RIOX1: variants seen among roughly 807,000 people sequenced by gnomAD.
RIOX1 encodes the protein ribosomal oxygenase 1.
A neutral mutation model predicts 44.6 loss-of-function variants in RIOX1; 33 were observed. The observed-to-expected ratio is 0.74, with a 90% CI of 0.56 to 0.99. RIOX1 has a LOEUF of 0.99. RIOX1 is among the 50% of genes least tolerant of loss of function. The pLI is 0.00. For synonymous variants in RIOX1, 387 were observed against 395.8 expected (o/e 0.98, Z 0.26); for missense variants, 821 against 871.7 (o/e 0.94, Z 0.73).
In RIOX1 at chr14:73,492,469, G is replaced by T; in HGVS notation, c.1452G>T (p.Leu484Phe). Residue 484 changes from leucine to phenylalanine, a missense_variant, in exon 1 of 1, where the codon TTG (leucine) becomes TTT (phenylalanine). Coordinates refer to ENST00000304061, the MANE Select transcript of RIOX1 (RefSeq NM_024644.5). The surrounding 1 kb of genome is among the most constrained non-coding windows in gnomAD (Gnocchi z 4.9). ...RTAFMEKVRV[L>F]VARLGHFAPV... ...CTTTCATGGAGAAGGTGCGGGTCTT[G>T]GTTGCCCGCCTGGGACACTTTGCTC... 6.2e-7 allele frequency: 1 copy of T among 1,613,786 alleles called. No homozygotes were observed. The highest frequency in any genetic ancestry group is 8.5e-7 in the Non-Finnish European group (1 of 1,179,806).
Position 73,492,114 on chromosome 14 carries a change from C to T in RIOX1, c.1097C>T (p.Thr366Ile). The change falls in exon 1 of 1, where the codon ACC becomes ATC. Residue 366 changes from threonine to isoleucine, a missense_variant. This residue lies in a region of RIOX1 where 554 missense variants were observed against 531.2 expected (regional missense o/e 1.04). Coordinates refer to ENST00000304061, the MANE Select transcript of RIOX1 (RefSeq NM_024644.5). The surrounding 1 kb of genome is among the most constrained non-coding windows in gnomAD (Gnocchi z 4.9). ...CGTGTATACCGACCCCGAGTCCCAA[C>T]CGAGGAACTGGCTCTGACATCCAGC... is the stretch of plus-strand genomic sequence containing the variant. ...LWRVYRPRVP[T>I]EELALTSSPN... is the part of the protein sequence containing the mutation. The T allele has an allele frequency of 2.5e-6, 4 of 1,613,936 alleles. No individual in the cohort carries two copies. The highest frequency in any genetic ancestry group is 3.4e-6 in the Non-Finnish European group (4 of 1,179,846).
In RIOX1 at chr14:73,491,721, A is replaced by G; in HGVS notation, c.704A>G (p.His235Arg). 1 of 1,551,464 alleles carries G rather than the reference A, an allele frequency of 6.4e-7. No individual in the cohort carries two copies. The highest frequency in any genetic ancestry group is 8.7e-7 in the Non-Finnish European group (1 of 1,147,502). Reference sequence around the variant, plus strand: ...GCGGTGCTGGTGCGGCGGCAGGACCACACCTACTACCAGGGACTTTTCTCT... The same window carrying G: ...GCGGTGCTGGTGCGGCGGCAGGACCGCACCTACTACCAGGGACTTTTCTCT... The part of the protein sequence containing the change: ...REAVLVRRQD[H>R]TYYQGLFSTA... Residue 235 changes from histidine (H) to arginine (R), a missense_variant, in exon 1 of 1, where the codon CAC becomes CGC. Coordinates refer to ENST00000304061, the MANE Select transcript of RIOX1 (RefSeq NM_024644.5).
rs1253386307 is a variant in RIOX1 at position 73,491,971 on chromosome 14, G to T, written c.954G>T (p.Gln318His). 1 of 1,613,874 alleles carries T rather than the reference G, an allele frequency of 6.2e-7. No individual in the cohort carries two copies. Among genetic ancestry groups the T allele is most frequent in the African/African-American group, 1.3e-5 (1 of 74,924 alleles). Residue 318 changes from glutamine to histidine, a missense_variant, in exon 1 of 1, where the codon CAG becomes CAT. By Grantham distance (24) the Gln-to-His change is conservative (BLOSUM62 0). Transcript: ENST00000304061. Reference protein sequence around the residue: ...VWQFLAVLQEQFGSMAGSNVY... With the variant: ...VWQFLAVLQEHFGSMAGSNVY... ...AGTTTTTGGCTGTGCTTCAAGAGCA[G>T]TTTGGAAGCATGGCAGGCTCCAACG...
At position 73,491,050 on chromosome 14, in the gene RIOX1, G is replaced by C. The variant is rs1224291218; in HGVS notation, c.33G>C (p.Leu11Phe). Residue 11 changes from leucine to phenylalanine, a missense_variant, in exon 1 of 1, where the codon TTG (leucine) becomes TTC (phenylalanine). Physicochemically the swap from Leu to Phe is conservative, Grantham distance 22. Coordinates refer to ENST00000304061, the MANE Select transcript of RIOX1 (RefSeq NM_024644.5). MDGLQASAGP[L>F]RRGRPKRRRK... ...GGCTCCAGGCCAGTGCAGGGCCGTT[G>C]AGGCGCGGGCGGCCGAAGCGCCGGC... The C allele has an allele frequency of 2.5e-6, 4 of 1,589,348 alleles. No individual in the cohort carries two copies. The highest frequency in any genetic ancestry group is 3.4e-6 in the Non-Finnish European group (4 of 1,167,568).
chr14:73,491,847 C>T lies in RIOX1; in HGVS notation c.830C>T (p.Pro277Leu). ...AACGGACGACGCGAGACCCTGAACC[C>T]ACCCGGCCGCGCGCTGCCCGCCGCC... ...YINGRRETLN[P>L]PGRALPAAAW... The change falls in exon 1 of 1, where the codon CCA becomes CTA. Residue 277 changes from proline (P) to leucine (L), a missense_variant. Physicochemically the swap from Pro to Leu is moderately conservative, Grantham distance 98. Around this residue, in one of 2 missense-constraint regions of RIOX1, gnomAD observed 554 missense variants for 531.2 expected, o/e 1.04. Coordinates refer to ENST00000304061, the MANE Select transcript of RIOX1 (RefSeq NM_024644.5). 1 of 1,609,552 alleles carries T rather than the reference C, an allele frequency of 6.2e-7. No homozygotes were observed. Among genetic ancestry groups the T allele is most frequent in the South Asian group, 1.1e-5 (1 of 90,634 alleles).
rs1157258201 is a variant in RIOX1 at position 73,493,057 on chromosome 14, C to G, written c.*114C>G. The G allele has an allele frequency of 6.2e-7, 1 of 1,606,922 alleles. No individual in the cohort carries two copies. On this transcript the variant is annotated 3_prime_UTR_variant, in exon 1 of 1. Coordinates refer to ENST00000304061, the MANE Select transcript of RIOX1 (RefSeq NM_024644.5). The stretch of plus-strand genomic sequence containing the variant: ...TTACCTTGATAAGCATCAGTGTGCT[C>G]ACATTTACCTTTATCACTGCTTCAG...
In RIOX1 at chr14:73,492,670, T is replaced by G. The variant is rs1885855244; in HGVS notation, c.1653T>G (p.Leu551=). ...QLTTETEVHM[L]QDGIARLVGE... ...CAACAGAAACAGAAGTCCATATGCT[T>G]CAGGATGGGATAGCTCGGCTGGTGG... The change falls in exon 1 of 1, where the codon CTT becomes CTG. Residue 551 remains leucine, a synonymous_variant. Coordinates refer to ENST00000304061, the MANE Select transcript of RIOX1 (RefSeq NM_024644.5). This position sits in a 1 kb window ranked among gnomAD's most constrained non-coding sequence, Gnocchi z 4.9. 1 of 1,613,966 alleles carries G rather than the reference T, an allele frequency of 6.2e-7. No homozygotes were observed. The highest frequency in any genetic ancestry group is 1.7e-5 in the Admixed American group (1 of 60,026).
chr14:73,493,026 A>G lies in RIOX1; in HGVS notation c.*83A>G. The G allele has an allele frequency of 1.3e-6, 2 of 1,550,098 alleles. No individual in the cohort carries two copies. Among genetic ancestry groups the G allele is most frequent in the Non-Finnish European group, 1.7e-6 (2 of 1,158,658 alleles). ...TTTTTTTTTTTTTTTCCTTAAACTC[A>G]CGTTCTTACCTTGATAAGCATCAGT... On this transcript the variant is annotated 3_prime_UTR_variant, in exon 1 of 1. Coordinates refer to ENST00000304061, the MANE Select transcript of RIOX1 (RefSeq NM_024644.5).
Position 73,490,996 on chromosome 14 carries a change from G to T in RIOX1, c.-22G>T, listed in dbSNP as rs765598340. 3 of 1,359,284 alleles carry T rather than the reference G, an allele frequency of 2.2e-6. No homozygotes were observed. The South Asian group carries it at 5.9e-5, about 27-fold the overall frequency. The allele number at this position is 1,359,284 out of a possible 1,614,324, so 84.2% of individuals were successfully genotyped here. ...GCTTCGCCCCCGGCCGGCCGGGCGGGGAAGACTGGTGTGGTCTGGCCATGG... is the reference window on the plus strand; with the variant it reads ...GCTTCGCCCCCGGCCGGCCGGGCGGTGAAGACTGGTGTGGTCTGGCCATGG... On this transcript the variant is annotated 5_prime_UTR_variant, in exon 1 of 1. Coordinates refer to ENST00000304061, the MANE Select transcript of RIOX1 (RefSeq NM_024644.5).
In RIOX1 at chr14:73,491,638, G is replaced by C. The variant is rs1410832115; in HGVS notation, c.621G>C (p.Glu207Asp). 15 of 1,550,022 alleles carry C rather than the reference G, an allele frequency of 9.7e-6. No homozygotes were observed. Among genetic ancestry groups the C allele is most frequent in the Non-Finnish European group, 1.2e-5 (14 of 1,147,538 alleles). Residue 207 changes from glutamate to aspartate, a missense_variant, in exon 1 of 1, where the codon GAG becomes GAC. Around this residue, in one of 2 missense-constraint regions of RIOX1, gnomAD observed 554 missense variants for 531.2 expected, o/e 1.04. Coordinates refer to ENST00000304061, the MANE Select transcript of RIOX1 (RefSeq NM_024644.5). ...SSRRRAARLF[E>D]WLIAPMPPDH... The stretch of plus-strand genomic sequence containing the variant: ...GGCGGCGAGCGGCCCGCCTCTTTGA[G>C]TGGCTCATCGCGCCCATGCCGCCAG...
Position 73,491,049 on chromosome 14 carries a change from T to C in RIOX1, c.32T>C (p.Leu11Ser). 6.3e-7 allele frequency: 1 copy of C among 1,589,148 alleles called. No homozygotes were observed. Among genetic ancestry groups the C allele is most frequent in the Non-Finnish European group, 8.6e-7 (1 of 1,167,466 alleles). ...GGGCTCCAGGCCAGTGCAGGGCCGTTGAGGCGCGGGCGGCCGAAGCGCCGG... is the reference window on the plus strand; with the variant it reads ...GGGCTCCAGGCCAGTGCAGGGCCGTCGAGGCGCGGGCGGCCGAAGCGCCGG... MDGLQASAGPLRRGRPKRRRK... is the reference protein window; with the variant it reads MDGLQASAGPSRRGRPKRRRK... Residue 11 changes from leucine (L) to serine (S), a missense_variant, in exon 1 of 1, where the codon TTG becomes TCG. By Grantham distance (145) the Leu-to-Ser change is moderately radical (BLOSUM62 -2). Around this residue, in one of 2 missense-constraint regions of RIOX1, gnomAD observed 554 missense variants for 531.2 expected, o/e 1.04. Transcript: ENST00000304061.
rs1403220718 is a variant in RIOX1 at position 73,490,949 on chromosome 14, G to C, written c.-69G>C. 26 of 1,283,090 alleles carry C rather than the reference G, an allele frequency of 2.0e-5. No individual in the cohort carries two copies. Among genetic ancestry groups the C allele is most frequent in the Non-Finnish European group, 2.4e-5 (24 of 1,010,208 alleles). The allele number at this position is 1,283,090 out of a possible 1,614,324, so 79.5% of individuals were successfully genotyped here. A position where few individuals can be genotyped will look rare whatever the true frequency, so the allele number is the denominator to read the frequency against. On this transcript the variant is annotated 5_prime_UTR_variant, in exon 1 of 1. Coordinates refer to ENST00000304061, the MANE Select transcript of RIOX1 (RefSeq NM_024644.5). The stretch of plus-strand genomic sequence containing the variant: ...CCCCTTCCCAGAGTGCACCGCAGCC[G>C]CTGCATTCAGGAACCGCTTTAGCTT...
Position 73,491,587 on chromosome 14 carries a change from C to G in RIOX1, c.570C>G (p.Ala190=), listed in dbSNP as rs1009487126. ...AWDSPLRRVL[A]ELNRIPSSRR... is the part of the protein sequence containing the mutation. Reference sequence around the variant, plus strand: ...ACTCCCCGCTGCGGCGCGTCTTGGCCGAGCTGAACCGCATCCCCAGCAGCC... The same window carrying G: ...ACTCCCCGCTGCGGCGCGTCTTGGCGGAGCTGAACCGCATCCCCAGCAGCC... Residue 190 remains alanine, a synonymous_variant, in exon 1 of 1, where the codon GCC becomes GCG. Coordinates refer to ENST00000304061, the MANE Select transcript of RIOX1 (RefSeq NM_024644.5). The G allele has an allele frequency of 1.4e-5, 21 of 1,544,864 alleles. No individual in the cohort carries two copies. The highest frequency in any genetic ancestry group is 8.4e-5 in the South Asian group (7 of 83,770).
chr14:73,491,240 C>T lies in RIOX1; in HGVS notation c.223C>T (p.Leu75=). 1 of 1,589,300 alleles carries T rather than the reference C, an allele frequency of 6.3e-7. No homozygotes were observed. The highest frequency in any genetic ancestry group is 8.6e-7 in the Non-Finnish European group (1 of 1,166,286). ...ESRVESTADD[L]GDALPGGAAV... is the part of the protein sequence containing the mutation. ...GAGGGTGGAGTCGACGGCCGACGAC[C>T]TGGGGGACGCGCTACCCGGTGGGGC... Residue 75 remains leucine, a synonymous_variant, in exon 1 of 1, where the codon CTG becomes TTG. Transcript: ENST00000304061.
chr14:73,492,126 C>G lies in RIOX1; in HGVS notation c.1109C>G (p.Ala370Gly). 2 of 1,613,966 alleles carry G rather than the reference C, an allele frequency of 1.2e-6. No individual in the cohort carries two copies. The highest frequency in any genetic ancestry group is 1.7e-6 in the Non-Finnish European group (2 of 1,179,846). Residue 370 changes from alanine (A) to glycine (G), a missense_variant, in exon 1 of 1, where the codon GCT becomes GGT. Around this residue, in one of 2 missense-constraint regions of RIOX1, gnomAD observed 267 missense variants for 340.5 expected, o/e 0.78. Transcript: ENST00000304061. This position sits in a 1 kb window ranked among gnomAD's most constrained non-coding sequence, Gnocchi z 4.9. ...CCCCGAGTCCCAACCGAGGAACTGGCTCTGACATCCAGCCCCAACTTCAGT... is the reference window on the plus strand; with the variant it reads ...CCCCGAGTCCCAACCGAGGAACTGGGTCTGACATCCAGCCCCAACTTCAGT... ...YRPRVPTEEL[A>G]LTSSPNFSQD...
In RIOX1 at chr14:73,492,712, G is replaced by C. The variant is rs370357833; in HGVS notation, c.1695G>C (p.Leu565Phe). The change falls in exon 1 of 1, where the codon TTG (leucine) becomes TTC (phenylalanine). Residue 565 changes from leucine (L) to phenylalanine (F), a missense_variant. Coordinates refer to ENST00000304061, the MANE Select transcript of RIOX1 (RefSeq NM_024644.5). The surrounding 1 kb of genome is among the most constrained non-coding windows in gnomAD (Gnocchi z 4.9). ...GGCTGGTGGGTGAGGGGGGCCATTT[G>C]TTTCTCTATTACACAGTGGAAAACT... ...IARLVGEGGHLFLYYTVENSR... is the reference protein window; with the variant it reads ...IARLVGEGGHFFLYYTVENSR... 1.9e-6 allele frequency: 3 copies of C among 1,613,828 alleles called. No individual in the cohort carries two copies. The highest frequency in any genetic ancestry group is 1.7e-5 in the Admixed American group (1 of 59,982).
chr14:73,491,434 G>A lies in RIOX1; in HGVS notation c.417G>A (p.Pro139=), dbSNP rs553036407. Reference sequence around the variant, plus strand: ...GCCTGGTGGAGGTGCCCGCCGCGCCGGTCCGGGTGGTGGAGACCTCGGCCC... The same window carrying A: ...GCCTGGTGGAGGTGCCCGCCGCGCCAGTCCGGGTGGTGGAGACCTCGGCCC... ...PARLVEVPAA[P]VRVVETSALL... The change falls in exon 1 of 1, where the codon CCG becomes CCA. Residue 139 remains proline (P), a synonymous_variant. Transcript: ENST00000304061. 7.3e-5 allele frequency: 99 copies of A among 1,360,314 alleles called. No individual in the cohort carries two copies. In the East Asian group the frequency reaches 3.0e-3, roughly 41 times the overall value. 84.3% of individuals were successfully genotyped at this position (1,360,314 alleles called of 1,614,324 possible). A position where few individuals can be genotyped will look rare whatever the true frequency, so the allele number is the denominator to read the frequency against.
rs1471057047 is a variant in RIOX1 at position 73,491,040 on chromosome 14, C to T, written c.23C>T (p.Ala8Val). 2 of 1,583,896 alleles carry T rather than the reference C, an allele frequency of 1.3e-6. No homozygotes were observed. The highest frequency in any genetic ancestry group is 2.3e-5 in the East Asian group (1 of 43,222). Residue 8 changes from alanine (A) to valine (V), a missense_variant, in exon 1 of 1, where the codon GCA (alanine) becomes GTA (valine). By Grantham distance (64) the Ala-to-Val change is moderately conservative (BLOSUM62 0). This residue lies in a region of RIOX1 where 554 missense variants were observed against 531.2 expected (regional missense o/e 1.04). Coordinates refer to ENST00000304061, the MANE Select transcript of RIOX1 (RefSeq NM_024644.5). Reference sequence around the variant, plus strand: ...GCCATGGATGGGCTCCAGGCCAGTGCAGGGCCGTTGAGGCGCGGGCGGCCG... The same window carrying T: ...GCCATGGATGGGCTCCAGGCCAGTGTAGGGCCGTTGAGGCGCGGGCGGCCG... MDGLQAS[A>V]GPLRRGRPKR...
chr14:73,491,587 C>A lies in RIOX1; in HGVS notation c.570C>A (p.Ala190=). The A allele has an allele frequency of 3.2e-6, 5 of 1,544,980 alleles. No homozygotes were observed. The highest frequency in any genetic ancestry group is 1.2e-5 in the South Asian group (1 of 83,766). Residue 190 remains alanine, a synonymous_variant, in exon 1 of 1, where the codon GCC becomes GCA. Transcript: ENST00000304061. ...ACTCCCCGCTGCGGCGCGTCTTGGC[C>A]GAGCTGAACCGCATCCCCAGCAGCC... ...AWDSPLRRVL[A]ELNRIPSSRR...
Sources: allele counts gnomAD v4.1 joint callset, GRCh38; gene constraint gnomAD v4.1.1; regional missense constraint gnomAD v4.1.1; non-coding constraint Gnocchi (gnomAD v3.1); transcripts MANE v1.5; gene names NCBI Gene and HGNC (gene_info 2026-07-23, HGNC 2026-07-21).